Variants in FHIT observed in about 807,000 individuals in gnomAD.
The protein encoded by FHIT is fragile histidine triad diadenosine triphosphatase.
In FHIT, 19 loss-of-function variants were observed where a neutral mutation model predicts 17.9. The ratio of observed to expected loss-of-function variants is 1.06; its 90% CI spans 0.74 to 1.56. The LOEUF is 1.56. Ranked by LOEUF, FHIT falls within the 40% of genes most tolerant of loss-of-function variation. The probability of loss-of-function intolerance (pLI) is 0.00; values close to 1 mark genes in which losing one functional copy is unlikely to be tolerated. For synonymous variants in FHIT, 81 were observed against 69.7 expected (o/e 1.16, Z -0.81); for missense variants, 248 against 189.2 (o/e 1.31, Z -1.82).
intron 7 of FHIT, among the ~76,000 whole-genome samples, chr3:59,975,878 T>C (rs533064732): frequency 6.6e-6 from 1 of 152,042 alleles, no homozygotes; most frequent in Non-Finnish European, 1.5e-5. Flanking sequence ...CTACATGACC[T>C]AGATTTCTGA....
intron 8 of FHIT, among the ~76,000 whole-genome samples, chr3:59,831,037 C>G (rs987060481): frequency 6.6e-6 from 1 of 152,058 alleles, no homozygotes; most frequent in African/African-American, 2.4e-5. Flanking sequence ...AGCATAGTAT[C>G]CGATGTTACC....
At chr3:60,129,204 C>T (rs548851998) in intron 5 of FHIT, among the ~76,000 whole-genome samples, 3 of 152,066 alleles carry the variant, frequency 2.0e-5, no homozygotes, top group Non-Finnish European at 2.9e-5. Flanking sequence ...AGGTGAGTGC[C>T]ACCACATCCA....
intron 5 of FHIT, among the ~76,000 whole-genome samples, chr3:60,528,397 C>A (rs1416336897): frequency 6.6e-6 from 1 of 151,652 alleles, no homozygotes; most frequent in Non-Finnish European, 1.5e-5. Flanking sequence ...CACAGTTACC[C>A]CAAACACATA....
chr3:60,100,224 A>C (rs1272323435), intron 5 of FHIT, among the ~76,000 whole-genome samples: 1 of 152,108 alleles, frequency 6.6e-6, no homozygotes, highest in African/African-American at 2.4e-5. Context: ...GTCTCTACTA[A>C]AAATAAAAAA....
At chr3:60,282,094 G>A (rs1239226223) in intron 5 of FHIT, among the ~76,000 whole-genome samples, 1 of 152,148 alleles carries the variant, frequency 6.6e-6, no homozygotes, top group Non-Finnish European at 1.5e-5. Context: ...TTGGACTACA[G>A]TTTTACAGTT....
intron 4 of FHIT, among the ~76,000 whole-genome samples, chr3:60,720,628 C>G (rs2041788651): frequency 6.6e-6 from 1 of 152,072 alleles, no homozygotes. Context: ...TGCTGCAGAC[C>G]AATTAAGTCA....
chr3:59,976,327 A>G (rs1225638182), intron 7 of FHIT, among the ~76,000 whole-genome samples: 1 of 152,146 alleles, frequency 6.6e-6, no homozygotes, highest in Non-Finnish European at 1.5e-5. Context: ...ATACCCGCTA[A>G]AGGAAGTTAA....
intron 4 of FHIT, chr3:60,690,359 A>G: frequency 1.7e-6 from 1 of 573,636 alleles, no homozygotes; most frequent in Non-Finnish European, 3.4e-6. Context: ...CCATCCAACC[A>G]CTTGGTCTTG....
At chr3:61,186,041 T>C (rs987723542) in intron 2 of FHIT, among the ~76,000 whole-genome samples, 1 of 152,178 alleles carries the variant, frequency 6.6e-6, no homozygotes, top group African/African-American at 2.4e-5. Context: ...CCTGCACCAT[T>C]AGGAAAGAAC....
At chr3:60,452,220 CAATAAT>C (rs2031796364) in intron 5 of FHIT, among the ~76,000 whole-genome samples, 1 of 152,144 alleles carries the variant, frequency 6.6e-6, no homozygotes, top group Non-Finnish European at 1.5e-5. Context: ...CAGCCACACT[CAATAAT>C]AAAATCACAC....
intron 5 of FHIT, among the ~76,000 whole-genome samples, chr3:60,470,688 C>A (rs1198017814): frequency 6.6e-6 from 1 of 152,088 alleles, no homozygotes; most frequent in East Asian, 1.9e-4. Flanking sequence ...TAGGAGCCCA[C>A]TTGATCCTCT....
chr3:60,636,228 G>T (rs1164444201), intron 4 of FHIT, among the ~76,000 whole-genome samples: 2 of 151,994 alleles, frequency 1.3e-5, no homozygotes, highest in Admixed American at 1.3e-4. Flanking sequence ...GCACCACCAC[G>T]CCTAGCTAAT....
intron 2 of FHIT, among the ~76,000 whole-genome samples, chr3:61,134,858 G>A (rs550681106): frequency 5.3e-5 from 8 of 152,228 alleles, no homozygotes; most frequent in South Asian, 2.1e-4. Flanking sequence ...CGCAAAGGCC[G>A]GAGCACTTAT....
chr3:60,363,454 A>G (rs1273364617), intron 5 of FHIT, among the ~76,000 whole-genome samples: 1 of 152,186 alleles, frequency 6.6e-6, no homozygotes, highest in African/African-American at 2.4e-5. Context: ...ACTGTATGCC[A>G]GACACTGTAT....
At chr3:59,864,597 T>A (rs1458367413) in intron 8 of FHIT, among the ~76,000 whole-genome samples, 1 of 151,716 alleles carries the variant, frequency 6.6e-6, no homozygotes, top group Non-Finnish European at 1.5e-5. Flanking sequence ...GCTGATCTAG[T>A]ATACAACCCG....
At chr3:60,788,854 T>C (rs1226017435) in intron 4 of FHIT, among the ~76,000 whole-genome samples, 1 of 152,054 alleles carries the variant, frequency 6.6e-6, no homozygotes, top group Non-Finnish European at 1.5e-5. Context: ...TATAAATATA[T>C]ATTATATATG....
intron 8 of FHIT, among the ~76,000 whole-genome samples, chr3:59,913,723 A>G (rs1704996000): frequency 6.6e-6 from 1 of 152,200 alleles, no homozygotes; most frequent in African/African-American, 2.4e-5. Context: ...CACTAACCTT[A>G]CACTAGAAGC....
At chr3:60,129,591 T>C (rs1047593970) in intron 5 of FHIT, among the ~76,000 whole-genome samples, 3 of 152,176 alleles carry the variant, frequency 2.0e-5, no homozygotes, top group South Asian at 2.1e-4. Flanking sequence ...TTCTGAGTAA[T>C]ATATTATGTA....
intron 7 of FHIT, among the ~76,000 whole-genome samples, chr3:59,947,203 T>C (rs1481350654): frequency 6.6e-6 from 1 of 152,236 alleles, no homozygotes; most frequent in Non-Finnish European, 1.5e-5. Context: ...GTTATTGGTC[T>C]GTCCAGGGTT....
Sources: gnomAD v4.1 joint callset for allele counts (sites outside exome capture counted in the v4.1 genomes callset) on GRCh38, gnomAD v4.1.1 for gene constraint, MANE v1.5 for transcripts, NCBI Gene and HGNC (gene_info 2026-07-23, HGNC 2026-07-21) for gene names.